The following TGFBR1 variants were observed in gnomAD, a reference collection of about 807,000 sequenced individuals.
TGFBR1 encodes the protein transforming growth factor beta receptor 1.
A neutral mutation model predicts 55.1 loss-of-function variants in TGFBR1; 20 were observed. The observed-to-expected ratio is 0.36, with a 90% CI of 0.26 to 0.53. The LOEUF is 0.53. Among genes scored for constraint, TGFBR1 ranks in the 20% least tolerant of loss-of-function variants. The pLI is 0.91. For synonymous variants in TGFBR1, 220 were observed against 214.8 expected, an observed-to-expected ratio of 1.02 and a Z score of -0.21; for missense variants, 385 against 617.6, an observed-to-expected ratio of 0.62 and a Z score of 3.99.
chr9:99,150,904 T>C lies in TGFBR1; in HGVS notation c.*1599T>C, dbSNP rs1827962775. On this transcript the variant is annotated 3_prime_UTR_variant, in exon 9 of 9. Coordinates refer to ENST00000374994, the MANE Select transcript of TGFBR1 (RefSeq NM_004612.4). ...GAAGTCTCTGCAGGGCTTTTACAGT[T>C]TTCGAAGTCCTTTTATCACTGTGAT... The C allele has an allele frequency of 1.8e-5, 4 of 223,100 alleles. No homozygotes were observed. Among genetic ancestry groups the C allele is most frequent in the Non-Finnish European group, 2.7e-5 (3 of 111,392 alleles). The allele number at this position is 223,100 out of a possible 1,614,324, so 13.8% of individuals were successfully genotyped here. A position where few individuals can be genotyped will look rare whatever the true frequency, so the allele number is the denominator to read the frequency against.
At chr9:99,128,293 A>G (rs1827099511) in intron 1 of TGFBR1, among the ~76,000 whole-genome samples, 1 of 152,126 alleles carries the variant, frequency 6.6e-6, no homozygotes, top group Non-Finnish European at 1.5e-5. Context: ...CAGAATATAC[A>G]TGTCTTTTTT....
In TGFBR1 at chr9:99,149,228, G is replaced by A. The variant is rs377194685; in HGVS notation, c.1435G>A (p.Gly479Arg). 9.3e-6 allele frequency: 15 copies of A among 1,613,622 alleles called. No homozygotes were observed. Among genetic ancestry groups the A allele is most frequent in the Non-Finnish European group, 1.3e-5 (15 of 1,179,728 alleles). The change falls in exon 9 of 9, where the codon GGA becomes AGA. Residue 479 changes from glycine (G) to arginine (R), a missense_variant. Physicochemically the swap from Gly to Arg is moderately radical, Grantham distance 125. This residue lies in a region of TGFBR1 where 110 missense variants were observed against 154.6 expected (regional missense o/e 0.71). Transcript: ENST00000374994. ...TATGAGAGAATGTTGGTATGCCAAT[G>A]GAGCAGCTAGGCTTACAGCATTGCG... ...KIMRECWYANGAARLTALRIK... is the reference protein window; with the variant it reads ...KIMRECWYANRAARLTALRIK...
chr9:99,128,605 C>CA, intron 1 of TGFBR1: 2 of 592,234 alleles, frequency 3.4e-6, no homozygotes, highest in East Asian at 3.5e-5. Flanking sequence ...TACTTGGAAG[C>CA]AAAAAACTTC....
At chr9:99,148,268 T>C (rs1365945474) in intron 8 of TGFBR1, among the ~76,000 whole-genome samples, 1 of 152,218 alleles carries the variant, frequency 6.6e-6, no homozygotes, top group Admixed American at 6.5e-5. Context: ...ATTCATCTGA[T>C]TGCCCAGATA....
intron 2 of TGFBR1, 60 bp downstream of exon 2, chr9:99,129,160 T>C: frequency 6.4e-7 from 1 of 1,570,894 alleles, no homozygotes; most frequent in Admixed American, 1.7e-5. Context: ...TACTCTGTGA[T>C]TTTAGAACTG....
chr9:99,109,534 T>C (rs142474891), intron 1 of TGFBR1, among the ~76,000 whole-genome samples: 159 of 152,330 alleles, frequency 1.0e-3, no homozygotes, highest in African/African-American at 3.6e-3. Flanking sequence ...ACACCATTCT[T>C]GTAGTGTCAT....
At chr9:99,114,288 G>C (rs1364245228) in intron 1 of TGFBR1, among the ~76,000 whole-genome samples, 4 of 152,214 alleles carry the variant, frequency 2.6e-5, no homozygotes, top group African/African-American at 9.6e-5. Flanking sequence ...AAGTTTAGCT[G>C]AGGAAAGCTT....
chr9:99,147,171 G>A (rs947118295), intron 7 of TGFBR1, among the ~76,000 whole-genome samples: 1 of 152,146 alleles, frequency 6.6e-6, no homozygotes, highest in Non-Finnish European at 1.5e-5. Context: ...GGTTTTTGAA[G>A]CAGTGAGGGA....
chr9:99,108,292 T>G (rs1228628525), intron 1 of TGFBR1, among the ~76,000 whole-genome samples: 4 of 152,198 alleles, frequency 2.6e-5, no homozygotes, highest in Non-Finnish European at 5.9e-5. Context: ...CAATACCTAC[T>G]TTTGCCTAAT....
intron 1 of TGFBR1, among the ~76,000 whole-genome samples, chr9:99,114,794 C>G (rs1826686980): frequency 6.6e-6 from 1 of 152,176 alleles, no homozygotes; most frequent in Admixed American, 6.5e-5. Context: ...TACACTTCAT[C>G]AGAGTACTGC....
intron 1 of TGFBR1, among the ~76,000 whole-genome samples, chr9:99,111,295 C>CTTTTTTTTTTTTTT (rs3034196): frequency 3.6e-5 from 2 of 55,152 alleles, no homozygotes; most frequent in African/African-American, 1.5e-4. Context: ...TGCACCCATG[C>CTTTTTTTTTTTTTT]TTTTTTTTTT....
chr9:99,109,406 A>G (rs1473142567), intron 1 of TGFBR1, among the ~76,000 whole-genome samples: 1 of 152,174 alleles, frequency 6.6e-6, no homozygotes, highest in Non-Finnish European at 1.5e-5. Context: ...TAAGAGAGGA[A>G]TTGACATAAA....
chr9:99,144,862 T>G lies in TGFBR1; in HGVS notation c.1104T>G (p.Ala368=), dbSNP rs1060504426. 1.2e-6 allele frequency: 2 copies of G among 1,613,868 alleles called. No individual in the cohort carries two copies. Among genetic ancestry groups the G allele is most frequent in the Non-Finnish European group, 1.7e-6 (2 of 1,179,920 alleles). Residue 368 remains alanine (A), a synonymous_variant, in exon 6 of 9, where the codon GCT becomes GCG. Coordinates refer to ENST00000374994, the MANE Select transcript of TGFBR1 (RefSeq NM_004612.4). ...CAGCCACAGATACCATTGATATTGC[T>G]CCAAACCACAGAGTGGGAACAAAAA... ...HDSATDTIDI[A]PNHRVGTKRY...
At position 99,153,605 on chromosome 9, in the gene TGFBR1, C is replaced by T. The variant is rs41283642; in HGVS notation, c.*4300C>T. On this transcript the variant is annotated 3_prime_UTR_variant, in exon 9 of 9. Transcript: ENST00000374994. The stretch of plus-strand genomic sequence containing the variant: ...ATGCTTATGTTAAGTCCTAACACTA[C>T]AGTAGAAGAATGGAAGCAGTGCAAA... 0.02 allele frequency: 3,895 copies of T among 194,544 alleles called. 58 individuals are homozygous for T. The highest frequency in any genetic ancestry group is 0.03 in the Non-Finnish European group (2,792 of 92,930). 12.1% of individuals were successfully genotyped at this position (194,544 alleles called of 1,614,324 possible). A position where few individuals can be genotyped will look rare whatever the true frequency, so the allele number is the denominator to read the frequency against.
intron 7 of TGFBR1, 21 bp from the exon 8 acceptor site, chr9:99,147,633 A>AT (rs766851280): frequency 1.9e-6 from 3 of 1,608,724 alleles, no homozygotes; most frequent in Non-Finnish European, 2.5e-6. Flanking sequence ...TCAAAATTTA[A>AT]TTTTTTTTAA....
At chr9:99,125,412 A>T (rs1827011153) in intron 1 of TGFBR1, among the ~76,000 whole-genome samples, 1 of 152,238 alleles carries the variant, frequency 6.6e-6, no homozygotes, top group Non-Finnish European at 1.5e-5. Flanking sequence ...GAGAATGGAA[A>T]AACATTGCAT....
At chr9:99,128,058 G>T (rs533338721) in intron 1 of TGFBR1, 5 of 454,770 alleles carry the variant, frequency 1.1e-5, no homozygotes, top group Non-Finnish European at 1.8e-5. Flanking sequence ...ATGGTTGAAG[G>T]TGTATCTGTG....
chr9:99,147,910 A>G (rs553285718), intron 8 of TGFBR1, 126 bp downstream of exon 8: 132 of 1,133,848 alleles, frequency 1.2e-4, no homozygotes, highest in Admixed American at 7.9e-4. Context: ...AGTCAAACCA[A>G]TGTTTAAAAA....
chr9:99,123,202 A>G (rs923584100), intron 1 of TGFBR1, among the ~76,000 whole-genome samples: 4 of 152,230 alleles, frequency 2.6e-5, no homozygotes, highest in Non-Finnish European at 4.4e-5. Flanking sequence ...TTGCACATAC[A>G]TAGGTTACAA....
Sources: gnomAD v4.1 joint callset for allele counts (sites outside exome capture counted in the v4.1 genomes callset) on GRCh38, gnomAD v4.1.1 for gene constraint, gnomAD v4.1.1 regional missense constraint, MANE v1.5 for transcripts, NCBI Gene and HGNC (gene_info 2026-07-23, HGNC 2026-07-21) for gene names.